Variants in TLCD3B observed in about 807,000 individuals in gnomAD.
TLCD3B encodes TLC domain containing 3B, also known as ceramide synthase.
TLCD3B carries 9 observed loss-of-function variants against 23.0 expected under a neutral mutation model. That is an observed-to-expected ratio of 0.39 (90% CI 0.24 to 0.68). TLCD3B has a LOEUF of 0.68. Ranked by LOEUF, TLCD3B falls within the 30% of genes least tolerant of loss-of-function variation. The probability of loss-of-function intolerance (pLI) is 0.44; values close to 1 mark genes in which losing one functional copy is unlikely to be tolerated. For synonymous variants in TLCD3B, 161 were observed against 161.0 expected (o/e 1.00, Z 0.00); for missense variants, 307 against 371.8 (o/e 0.83, Z 1.43).
At chr16:30,039,772 C>G (rs768877792) in intron 3 of TLCD3B, among the ~76,000 whole-genome samples, 2 of 151,910 alleles carry the variant, frequency 1.3e-5, no homozygotes, top group African/African-American at 4.8e-5. Flanking sequence ...CCACCATGCT[C>G]GGCCAGTGTT....
chr16:30,039,101 C>CTTTT (rs10623783), intron 3 of TLCD3B, among the ~76,000 whole-genome samples: 1 of 120,856 alleles, frequency 8.3e-6, no homozygotes, highest in African/African-American at 3.2e-5. Context: ...CCTCCTTCCT[C>CTTTT]TCTTTTTTTT....
rs909618819 is a variant in TLCD3B at position 30,031,025 on chromosome 16, G to T, written c.-498C>A. 5 of 155,376 alleles carry T rather than the reference G, an allele frequency of 3.2e-5. No homozygotes were observed. Among genetic ancestry groups the T allele is most frequent in the African/African-American group, 1.2e-4 (5 of 41,392 alleles). The allele number at this position is 155,376 out of a possible 1,614,324, so 9.6% of individuals were successfully genotyped here. On this transcript the variant is annotated 5_prime_UTR_variant, in exon 1 of 5. Coordinates refer to ENST00000380495, the MANE Select transcript of TLCD3B (RefSeq NM_031478.6). Reference sequence around the variant, plus strand: ...AGGAGCAGCCGGGCAAGCGGTCAGCGGTCACCACCGCTCTCCTGGCTCCAC... The same window carrying T: ...AGGAGCAGCCGGGCAAGCGGTCAGCTGTCACCACCGCTCTCCTGGCTCCAC...
chr16:30,047,879 C>T (rs566510104), intron 1 of TLCD3B, among the ~76,000 whole-genome samples: 31 of 151,428 alleles, frequency 2.0e-4, no homozygotes, highest in Admixed American at 2.0e-3. Context: ...TGGTGGCTCA[C>T]GCCTGTAATC....
At chr16:30,034,159 G>A (rs1484610204), upstream of TLCD3B, among the ~76,000 whole-genome samples, 1 of 151,042 alleles carries the variant, frequency 6.6e-6, no homozygotes, top group African/African-American at 2.4e-5. Context: ...TGTAGTCCAA[G>A]AAACTCAGGA....
chr16:30,048,901 G>C (rs2071711716), intron 1 of TLCD3B, among the ~76,000 whole-genome samples: 2 of 152,108 alleles, frequency 1.3e-5, no homozygotes, highest in African/African-American at 4.8e-5. Flanking sequence ...CTCCCAAGTA[G>C]CTTGGATTAT....
At chr16:30,049,029 C>G (rs2071713545) in intron 1 of TLCD3B, among the ~76,000 whole-genome samples, 1 of 152,184 alleles carries the variant, frequency 6.6e-6, no homozygotes, top group South Asian at 2.1e-4. Context: ...CCTTGGCCTC[C>G]CAAAGTGCTG....
intron 2 of TLCD3B, among the ~76,000 whole-genome samples, chr16:30,045,333 T>C (rs2071648910): frequency 7.1e-6 from 1 of 141,404 alleles, no homozygotes. Context: ...GTGTGGTGTT[T>C]GTGTGTGTTT....
chr16:30,051,362 C>T (rs1450957742), intron 1 of TLCD3B, among the ~76,000 whole-genome samples: 3 of 151,620 alleles, frequency 2.0e-5, no homozygotes, highest in Non-Finnish European at 4.4e-5. Flanking sequence ...GGACAAACCC[C>T]GTCTCTACTA....
Position 30,025,773 on chromosome 16 carries a change from C to T in TLCD3B, c.493G>A (p.Ala165Thr), listed in dbSNP as rs1193589881. The change falls in exon 4 of 5, where the codon GCA (alanine) becomes ACA (threonine). Residue 165 changes from alanine to threonine, a missense_variant. Coordinates refer to ENST00000380495, the MANE Select transcript of TLCD3B (RefSeq NM_031478.6). The surrounding 1 kb of genome is among the most constrained non-coding windows in gnomAD (Gnocchi z 4.1). ...CAGACGAAGGGCGTGCTGACCTCTG[C>T]CATCAACATGCAACCCAGAAAGAAG... Reference protein sequence around the residue: ...GDFFLGCMLMAEVSTPFVCLG... With the variant: ...GDFFLGCMLMTEVSTPFVCLG... 6.2e-7 allele frequency: 1 copy of T among 1,614,036 alleles called. No homozygotes were observed.
chr16:30,025,161 G>C lies in TLCD3B; in HGVS notation c.*22C>G. The C allele has an allele frequency of 7.1e-7, 1 of 1,404,236 alleles. No individual in the cohort carries two copies. The highest frequency in any genetic ancestry group is 1.5e-5 in the African/African-American group (1 of 68,300). 87.0% of individuals were successfully genotyped at this position (1,404,236 alleles called of 1,614,324 possible). A position where few individuals can be genotyped will look rare whatever the true frequency, so the allele number is the denominator to read the frequency against. On this transcript the variant is annotated 3_prime_UTR_variant, in exon 5 of 5. Coordinates refer to ENST00000380495, the MANE Select transcript of TLCD3B (RefSeq NM_031478.6). The surrounding 1 kb of genome is among the most constrained non-coding windows in gnomAD (Gnocchi z 4.1). Reference sequence around the variant, plus strand: ...CTCCACGGGGGTGGGGGTGGGGAGGGGGAGGGTCCCGGCCCCCGGCCTCAG... The same window carrying C: ...CTCCACGGGGGTGGGGGTGGGGAGGCGGAGGGTCCCGGCCCCCGGCCTCAG...
At chr16:30,048,455 T>C (rs1340262284) in intron 1 of TLCD3B, among the ~76,000 whole-genome samples, 1 of 152,068 alleles carries the variant, frequency 6.6e-6, no homozygotes, top group Non-Finnish European at 1.5e-5. Context: ...GTGCCTTGCA[T>C]ACATTTTCTC....
At chr16:30,036,507 G>A (rs963331522) in intron 3 of TLCD3B, 4 of 1,002,116 alleles carry the variant, frequency 4.0e-6, no homozygotes, top group Admixed American at 3.6e-5. Flanking sequence ...GGACCTTCTC[G>A]GGATAAAAGG....
At chr16:30,027,229 A>G in intron 2 of TLCD3B, 1 of 457,570 alleles carries the variant, frequency 2.2e-6, no homozygotes, top group Non-Finnish European at 4.4e-6. Flanking sequence ...AGGACCAGCA[A>G]CAGCTGAAGG....
rs10623783 is a variant in TLCD3B at position 30,039,101 on chromosome 16, C to CTAATTTTTT, written c.-67+1893_-67+1894insAAAAAATTA. On this transcript the variant is annotated intron_variant, in intron 3 of 6. Transcript: ENST00000561666. ...ACTTATCCTTCTCCTCCTCCTTCCT[C>CTAATTTTTT]TCTTTTTTTTTTTTTTTTTTTTTTT... is the stretch of plus-strand genomic sequence containing the variant. 1.1e-4 allele frequency among the ~76,000 whole-genome samples: 13 copies of CTAATTTTTT among 120,836 alleles called. 2 individuals carry two copies. Among genetic ancestry groups the CTAATTTTTT allele is most frequent in the Admixed American group, 3.6e-4 (4 of 11,064 alleles). 79.3% of individuals were successfully genotyped at this position (120,836 alleles called of 152,430 possible).
intron 2 of TLCD3B, chr16:30,027,472 A>G (rs1273480845): frequency 2.3e-6 from 1 of 431,286 alleles, no homozygotes; most frequent in Non-Finnish European, 4.7e-6. Context: ...CCTCACTGTC[A>G]TCCCCACCAT....
Position 30,048,010 on chromosome 16 carries a change from C to T in TLCD3B, c.-293-1623G>A, listed in dbSNP as rs576940133. Among the ~76,000 whole-genome samples the T allele has an allele frequency of 5.2e-4, 79 of 151,912 alleles. 1 individual carries two copies. Among genetic ancestry groups the T allele is most frequent in the Middle Eastern group, 3.4e-3 (1 of 294 alleles). ...TACAAAAATTAGCTGGGCGTGGTGG[C>T]GGGTGCCTGTAATCCCAGCTACTTA... On this transcript the variant is annotated intron_variant, in intron 1 of 6. Transcript: ENST00000561666.
At chr16:30,041,400 A>G (rs1377158500) in intron 2 of TLCD3B, among the ~76,000 whole-genome samples, 1 of 151,778 alleles carries the variant, frequency 6.6e-6, no homozygotes, top group Non-Finnish European at 1.5e-5. Context: ...CAGCCTCCCA[A>G]GTAGCTGGGA....
In TLCD3B at chr16:30,037,083, A is replaced by AAAAT. The variant is rs574446126; in HGVS notation, c.-66-873_-66-870dup. Among the ~76,000 whole-genome samples the AAAAT allele has an allele frequency of 2.2e-3, 336 of 150,016 alleles. 1 individual carries two copies. Among genetic ancestry groups the AAAAT allele is most frequent in the Admixed American group, 6.7e-3 (100 of 15,022 alleles). ...CTGGGCGACAGAGACTCTGTCTCAA[A>AAAAT]AAATAAATAAATAAATAAATAAATA... On this transcript the variant is annotated intron_variant, in intron 3 of 6. Transcript: ENST00000561666.
chr16:30,032,706 G>A (rs1348798932), upstream of TLCD3B: 3 of 149,008 alleles, frequency 2.0e-5, no homozygotes, highest in Non-Finnish European at 3.0e-5. Flanking sequence ...GAGTACAGTG[G>A]CGCGATCATG....
Sources: allele counts gnomAD v4.1 joint callset (sites outside exome capture counted in the v4.1 genomes callset), GRCh38; gene constraint gnomAD v4.1.1; non-coding constraint Gnocchi (gnomAD v3.1); transcripts MANE v1.5; gene names NCBI Gene and HGNC (gene_info 2026-07-23, HGNC 2026-07-21).